The following CACNA1C variants were observed in gnomAD, a reference collection of about 807,000 sequenced individuals.
CACNA1C encodes voltage-dependent L-type calcium channel subunit alpha-1C.
In CACNA1C, 30 loss-of-function variants were observed where a neutral mutation model predicts 229.0. That is an observed-to-expected ratio of 0.13 (90% CI 0.10 to 0.18). The LOEUF (loss-of-function observed/expected upper bound fraction) is 0.18. Among genes scored for constraint, CACNA1C ranks in the 10% least tolerant of loss-of-function variants. The pLI is 1.00. For missense variants in CACNA1C, 1,658 were observed against 2,845.0 expected (o/e 0.58, Z 9.49); for synonymous variants, 1,114 against 1,132.5 (o/e 0.98, Z 0.33).
intron 3 of CACNA1C, among the ~76,000 whole-genome samples, chr12:2,235,192 G>T (rs1455719536): frequency 6.6e-6 from 1 of 152,200 alleles, no homozygotes; most frequent in East Asian, 1.9e-4. Flanking sequence ...AACACTGTCT[G>T]TGGTACAGGG....
intron 1 of CACNA1C, among the ~76,000 whole-genome samples, chr12:2,091,351 CAG>C (rs919845791): frequency 1.3e-5 from 2 of 152,232 alleles, no homozygotes; most frequent in African/African-American, 4.8e-5. Flanking sequence ...TACATTACCA[CAG>C]ACTTAGTGGC....
At chr12:2,261,504 A>T (rs1266845435) in intron 3 of CACNA1C, among the ~76,000 whole-genome samples, 1 of 152,234 alleles carries the variant, frequency 6.6e-6, no homozygotes, top group Non-Finnish European at 1.5e-5. Context: ...GAGTTGTTAT[A>T]AAAATAGTTC....
At position 2,597,611 on chromosome 12, in the gene CACNA1C, G is replaced by T. The variant is rs1484584536; in HGVS notation, c.2853+322G>T. ...CACTCTCTCTTTTCTTTACTCCCAA[G>T]CCTGAAATTGGAAAAATGAGTGCCC... On this transcript the variant is annotated intron_variant, in intron 21 of 46. Coordinates refer to ENST00000399655, the MANE Select transcript of CACNA1C (RefSeq NM_000719.7). The surrounding 1 kb of genome is among the most constrained non-coding windows in gnomAD (Gnocchi z 4.3). 3.3e-5 allele frequency: 26 copies of T among 794,194 alleles called. No individual in the cohort carries two copies. Among genetic ancestry groups the T allele is most frequent in the Non-Finnish European group, 1.1e-5 (5 of 470,974 alleles). 49.2% of individuals were successfully genotyped at this position (794,194 alleles called of 1,614,324 possible).
chr12:2,457,673 C>T lies in CACNA1C; in HGVS notation c.724C>T (p.Leu242=), dbSNP rs200800133. Residue 242 remains leucine (L), a synonymous_variant, in exon 5 of 47, where the codon CTG becomes TTG. Coordinates refer to ENST00000399655, the MANE Select transcript of CACNA1C (RefSeq NM_000719.7). ...GAAGGCGCTGAGGGCCTTCCGCGTG[C>T]TGCGCCCCCTGCGGCTGGTGTCCGG... is the stretch of plus-strand genomic sequence containing the variant. The part of the protein sequence containing the change: ...DVKALRAFRV[L]RPLRLVSGVP... 345 of 1,603,754 alleles carry T rather than the reference C, an allele frequency of 2.2e-4. 1 individual carries two copies. In the African/African-American group the frequency reaches 3.5e-3, roughly 16 times the overall value.
intron 3 of CACNA1C, among the ~76,000 whole-genome samples, chr12:2,359,538 A>ATTTTTTTTTTTTTTTT (rs200608699): frequency 7.0e-6 from 1 of 143,494 alleles, no homozygotes. Context: ...TTGGAGCAGG[A>ATTTTTTTTTTTTTTTT]TTTTTTTTTT....
chr12:2,624,161 G>C (rs1308119308), intron 29 of CACNA1C, among the ~76,000 whole-genome samples: 1 of 152,138 alleles, frequency 6.6e-6, no homozygotes, highest in African/African-American at 2.4e-5. Flanking sequence ...TTTTTGTAAC[G>C]CCGATGAACA....
intron 3 of CACNA1C, among the ~76,000 whole-genome samples, chr12:2,161,731 G>T (rs1341981594): frequency 6.6e-6 from 1 of 152,188 alleles, no homozygotes; most frequent in Non-Finnish European, 1.5e-5. Context: ...GCGCTCTCTG[G>T]CCCCCAGAGG....
intron 37 of CACNA1C, among the ~76,000 whole-genome samples, chr12:2,667,112 C>T (rs2153715103): frequency 6.6e-6 from 1 of 152,244 alleles, no homozygotes; most frequent in Middle Eastern, 3.4e-3. Context: ...CATTAGAAAG[C>T]CCAGGCATTG....
intron 3 of CACNA1C, among the ~76,000 whole-genome samples, chr12:2,361,249 T>A (rs1003509230): frequency 6.6e-6 from 1 of 151,768 alleles, no homozygotes; most frequent in Non-Finnish European, 1.5e-5. Flanking sequence ...ACTTAAAAAA[T>A]AATAATGAAA....
intron 1 of CACNA1C, among the ~76,000 whole-genome samples, chr12:2,014,605 T>C (rs2154484750): frequency 6.6e-6 from 1 of 152,188 alleles, no homozygotes; most frequent in East Asian, 1.9e-4. Flanking sequence ...TGTGAAAAGT[T>C]TGGGATGCTA....
rs1244359931 is a variant in CACNA1C at position 2,602,727 on chromosome 12, C to T, written c.2960+767C>T. Among the ~76,000 whole-genome samples, 1 of 151,156 alleles carries T rather than the reference C, an allele frequency of 6.6e-6. No homozygotes were observed. The highest frequency in any genetic ancestry group is 2.1e-4 in the South Asian group (1 of 4,798). ...CTGGGTGTGAGTTCTAAGAGCTTTCCAGGTGACTCCCCTGTACAGCCAAGC... is the reference window on the plus strand; with the variant it reads ...CTGGGTGTGAGTTCTAAGAGCTTTCTAGGTGACTCCCCTGTACAGCCAAGC... On this transcript the variant is annotated intron_variant, in intron 22 of 46. Coordinates refer to ENST00000399655, the MANE Select transcript of CACNA1C (RefSeq NM_000719.7). This position sits in a 1 kb window ranked among gnomAD's most constrained non-coding sequence, Gnocchi z 4.4.
intron 29 of CACNA1C, chr12:2,612,360 C>T (rs142311745): frequency 1.6e-4 from 31 of 188,352 alleles, no homozygotes; most frequent in African/African-American, 7.2e-4. Context: ...AGAAACTATG[C>T]TCATAGACTG....
chr12:2,272,097 G>A (rs1046376045), intron 3 of CACNA1C, among the ~76,000 whole-genome samples: 4 of 152,156 alleles, frequency 2.6e-5, no homozygotes, highest in Admixed American at 2.6e-4. Flanking sequence ...CTTCCATCGA[G>A]CTATTGCCTT....
intron 9 of CACNA1C, among the ~76,000 whole-genome samples, chr12:2,533,934 C>T (rs990823687): frequency 1.3e-5 from 2 of 152,166 alleles, no homozygotes; most frequent in South Asian, 4.1e-4. Flanking sequence ...CTGGACTCTC[C>T]TAATGAACGA....
intron 3 of CACNA1C, among the ~76,000 whole-genome samples, chr12:2,207,055 C>T (rs1405702388): frequency 1.3e-5 from 2 of 151,534 alleles, no homozygotes; most frequent in South Asian, 2.1e-4. Context: ...TAGAGCCCGT[C>T]GAGTGTCAAT....
chr12:2,603,950 AC>A (rs762181560), intron 22 of CACNA1C, among the ~76,000 whole-genome samples: 1 of 152,226 alleles, frequency 6.6e-6, no homozygotes, highest in Non-Finnish European at 1.5e-5. Flanking sequence ...GTAGGATCTA[AC>A]GTGAATGGAC....
chr12:2,168,043 A>G (rs1393399809), intron 3 of CACNA1C, among the ~76,000 whole-genome samples: 1 of 152,212 alleles, frequency 6.6e-6, no homozygotes, highest in Non-Finnish European at 1.5e-5. Flanking sequence ...AAGAACTGCA[A>G]GTAGGTCAGT....
At chr12:2,289,354 G>C in intron 3 of CACNA1C, among the ~76,000 whole-genome samples, 1 of 152,112 alleles carries the variant, frequency 6.6e-6, no homozygotes, top group Admixed American at 6.5e-5. Context: ...GGAGGGGGTG[G>C]ATGGAGGAGG....
chr12:2,131,778 G>T (rs1455723533), intron 3 of CACNA1C, among the ~76,000 whole-genome samples: 1 of 150,106 alleles, frequency 6.7e-6, no homozygotes, highest in Non-Finnish European at 1.5e-5. Context: ...GGATTGACTT[G>T]GCAATGCGGG....
Sources: allele counts gnomAD v4.1 joint callset (sites outside exome capture counted in the v4.1 genomes callset), GRCh38; gene constraint gnomAD v4.1.1; non-coding constraint Gnocchi (gnomAD v3.1); transcripts MANE v1.5; gene names NCBI Gene and HGNC (gene_info 2026-07-23, HGNC 2026-07-21).